The following PCGF5 variants were observed in gnomAD, a reference collection of about 807,000 sequenced individuals.
The protein encoded by PCGF5 is polycomb group ring finger 5.
Under a neutral mutation model 44.3 loss-of-function variants are expected in PCGF5, and 9 were observed. That is an observed-to-expected ratio of 0.20 (90% confidence interval 0.12 to 0.35). PCGF5 has a LOEUF of 0.35. PCGF5 is among the 10% of genes least tolerant of loss of function. The pLI, the probability that PCGF5 is intolerant of heterozygous loss-of-function variation, is 1.00. For missense variants in PCGF5, 146 were observed against 305.3 expected (o/e 0.48, Z 3.89); for synonymous variants, 95 against 102.5 (o/e 0.93, Z 0.44).
At chr10:91,278,236 C>A in intron 9 of PCGF5, 33 bp from the exon 10 acceptor site, 2 of 1,519,044 alleles carry the variant, frequency 1.3e-6, no homozygotes, top group Non-Finnish European at 1.8e-6. Flanking sequence ...TATCCAAATA[C>A]AGTCTTATTT....
chr10:91,238,289 T>C (rs555082231), intron 2 of PCGF5, among the ~76,000 whole-genome samples: 95 of 152,324 alleles, frequency 6.2e-4, no homozygotes, highest in African/African-American at 2.2e-3. Flanking sequence ...GCTTTGACTT[T>C]AAGCAATTAG....
chr10:91,234,414 C>T (rs1845094431), intron 2 of PCGF5, among the ~76,000 whole-genome samples: 1 of 152,214 alleles, frequency 6.6e-6, no homozygotes, highest in African/African-American at 2.4e-5. Flanking sequence ...AAGTGTACTG[C>T]ATTCAAAGAT....
intron 1 of PCGF5, among the ~76,000 whole-genome samples, chr10:91,177,869 C>G (rs753552716): frequency 1.3e-5 from 2 of 152,222 alleles, no homozygotes; most frequent in Non-Finnish European, 2.9e-5. Context: ...GAGGCGATGC[C>G]TCTCCCTGCT....
chr10:91,187,748 T>C (rs1364273323), intron 1 of PCGF5, among the ~76,000 whole-genome samples: 3 of 152,190 alleles, frequency 2.0e-5, no homozygotes, highest in Non-Finnish European at 4.4e-5. Flanking sequence ...TGTATATGTT[T>C]ACCTATAAAT....
At chr10:91,275,733 G>T (rs185930384) in intron 9 of PCGF5, among the ~76,000 whole-genome samples, 5 of 151,942 alleles carry the variant, frequency 3.3e-5, no homozygotes, top group Non-Finnish European at 7.4e-5. Flanking sequence ...GATTACAGGC[G>T]TGAGCCACTG....
chr10:91,179,117 T>G (rs555857939), intron 1 of PCGF5, among the ~76,000 whole-genome samples: 3 of 152,348 alleles, frequency 2.0e-5, no homozygotes, highest in South Asian at 4.1e-4. Flanking sequence ...ACATCTTTGC[T>G]TGCTTCCTAA....
intron 1 of PCGF5, among the ~76,000 whole-genome samples, chr10:91,166,418 A>G (rs930865155): frequency 6.6e-6 from 1 of 152,252 alleles, no homozygotes; most frequent in Non-Finnish European, 1.5e-5. Context: ...AAAGCAGGAA[A>G]ACATATCTCC....
intron 1 of PCGF5, 48 bp from the exon 2 acceptor site, chr10:91,222,641 A>C (rs1220618483): frequency 1.9e-6 from 1 of 519,404 alleles, no homozygotes; most frequent in Non-Finnish European, 3.4e-6. Context: ...CATTATGAGG[A>C]ATTTGACGCT....
chr10:91,224,471 A>G (rs1206251753), intron 2 of PCGF5, among the ~76,000 whole-genome samples: 1 of 151,614 alleles, frequency 6.6e-6, no homozygotes, highest in African/African-American at 2.4e-5. Flanking sequence ...CTGCTCAAGA[A>G]GTATAATTCT....
intron 2 of PCGF5, among the ~76,000 whole-genome samples, chr10:91,239,909 A>C (rs1442880041): frequency 6.6e-6 from 1 of 152,124 alleles, no homozygotes; most frequent in Admixed American, 6.5e-5. Flanking sequence ...CTTTGTCCCA[A>C]CTTGATACCA....
Position 91,282,560 on chromosome 10 carries a change from T to C in PCGF5, c.*4244T>C, listed in dbSNP as rs572829774. 1 of 152,754 alleles carries C rather than the reference T, an allele frequency of 6.5e-6. No individual in the cohort carries two copies. The highest frequency in any genetic ancestry group is 2.4e-5 in the African/African-American group (1 of 41,578). The allele number at this position is 152,754 out of a possible 1,614,324, so 9.5% of individuals were successfully genotyped here. A position where few individuals can be genotyped will look rare whatever the true frequency, so the allele number is the denominator to read the frequency against. On this transcript the variant is annotated 3_prime_UTR_variant, in exon 10 of 10. Transcript: ENST00000336126. ...TTAGAATTTAGCCATACAGCCAACTTTGACAAAATGGGTCACAGAACAAGC... is the reference window on the plus strand; with the variant it reads ...TTAGAATTTAGCCATACAGCCAACTCTGACAAAATGGGTCACAGAACAAGC...
chr10:91,258,305 A>G (rs1845808281), intron 6 of PCGF5, among the ~76,000 whole-genome samples: 1 of 152,160 alleles, frequency 6.6e-6, no homozygotes, highest in African/African-American at 2.4e-5. Flanking sequence ...ATTTCTGGAG[A>G]TTCTTCCTAA....
chr10:91,197,640 G>A (rs1564631212), intron 1 of PCGF5, among the ~76,000 whole-genome samples: 1 of 152,174 alleles, frequency 6.6e-6, no homozygotes, highest in Admixed American at 6.5e-5. Flanking sequence ...GTGGTAGAGA[G>A]TGCGTGGGAG....
intron 1 of PCGF5, among the ~76,000 whole-genome samples, chr10:91,200,695 T>TG (rs1428731842): frequency 6.6e-6 from 1 of 152,138 alleles, no homozygotes; most frequent in African/African-American, 2.4e-5. Flanking sequence ...GGTGAAGAGT[T>TG]GGGGGCCTTT....
chr10:91,179,089 C>G (rs966252901), intron 1 of PCGF5, among the ~76,000 whole-genome samples: 1 of 152,208 alleles, frequency 6.6e-6, no homozygotes, highest in Admixed American at 6.5e-5. Context: ...GCTAATTCCT[C>G]TAGCCCAGGT....
chr10:91,222,663 T>C, intron 1 of PCGF5, 26 bp from the exon 2 acceptor site: 1 of 517,098 alleles, frequency 1.9e-6, no homozygotes, highest in Non-Finnish European at 3.4e-6. Flanking sequence ...TTTTCTCTCA[T>C]CTTTTTGAAA....
At chr10:91,171,536 A>G (rs934638074) in intron 1 of PCGF5, among the ~76,000 whole-genome samples, 1 of 152,080 alleles carries the variant, frequency 6.6e-6, no homozygotes, top group Admixed American at 6.5e-5. Context: ...TTGGAAGTAG[A>G]GATGCTGTGA....
chr10:91,271,855 A>G (rs1846189462), intron 9 of PCGF5, among the ~76,000 whole-genome samples, 158 bp downstream of exon 9: 2 of 152,220 alleles, frequency 1.3e-5, no homozygotes, highest in South Asian at 2.1e-4. Flanking sequence ...ATTTCCCATT[A>G]TTTTAGTTCT....
At chr10:91,259,101 T>G (rs1199659613) in intron 6 of PCGF5, among the ~76,000 whole-genome samples, 1 of 152,182 alleles carries the variant, frequency 6.6e-6, no homozygotes, top group Admixed American at 6.6e-5. Context: ...ATTTTCAGCT[T>G]GGGTGTCCCT....
Sources: gnomAD v4.1 joint callset for allele counts (sites outside exome capture counted in the v4.1 genomes callset) on GRCh38, gnomAD v4.1.1 for gene constraint, MANE v1.5 for transcripts, NCBI Gene and HGNC (gene_info 2026-07-23, HGNC 2026-07-21) for gene names.